The following CALN1 variants were observed in gnomAD, a reference collection of about 807,000 sequenced individuals.
CALN1 encodes the protein calneuron 1, also known as calcium-binding protein 8.
In CALN1, 17 loss-of-function variants were observed where a neutral mutation model predicts 30.6. That is an observed-to-expected ratio of 0.56 (90% CI 0.38 to 0.83). The LOEUF is 0.83. Ranked by LOEUF, CALN1 falls within the 40% of genes least tolerant of loss-of-function variation. The pLI, the probability that CALN1 is intolerant of heterozygous loss-of-function variation, is 0.00. For missense variants in CALN1, 291 were observed against 354.9 expected (o/e 0.82, Z 1.45); for synonymous variants, 156 against 131.4 (o/e 1.19, Z -1.28).
chr7:72,448,923 C>CA (rs1262208562), upstream of CALN1, among the ~76,000 whole-genome samples: 1 of 151,998 alleles, frequency 6.6e-6, no homozygotes, highest in Non-Finnish European at 1.5e-5. Context: ...TTTTTAATGC[C>CA]ATTTTCCCCT....
At chr7:72,094,538 G>A (rs1384822001) in intron 4 of CALN1, among the ~76,000 whole-genome samples, 1 of 152,174 alleles carries the variant, frequency 6.6e-6, no homozygotes. Flanking sequence ...ACAGGCGTGA[G>A]CCACCATGCC....
intron 2 of CALN1, among the ~76,000 whole-genome samples, chr7:72,281,728 T>G (rs1797743898): frequency 6.6e-6 from 1 of 152,202 alleles, no homozygotes. Context: ...TCTCAGCATT[T>G]TATAAATATC....
chr7:72,406,444 G>A (rs1480046850), intron 1 of CALN1, among the ~76,000 whole-genome samples: 3 of 152,076 alleles, frequency 2.0e-5, no homozygotes, highest in Non-Finnish European at 4.4e-5. Context: ...ATTTCCTGAT[G>A]CGATTCCTAA....
At chr7:72,495,289 A>G in the CALN1 span, among the ~76,000 whole-genome samples, 5 of 152,176 alleles carry the variant, frequency 3.3e-5, no homozygotes, top group South Asian at 6.2e-4. Context: ...CAGGAGTCCA[A>G]GGTCCTCCAG....
intron 5 of CALN1, among the ~76,000 whole-genome samples, chr7:71,994,529 A>C (rs887882352): frequency 6.6e-6 from 1 of 151,752 alleles, no homozygotes; most frequent in Admixed American, 6.6e-5. Flanking sequence ...AAAAAAAAAA[A>C]AAAACAGTGA....
At chr7:71,999,530 T>C (rs1204179137) in intron 5 of CALN1, among the ~76,000 whole-genome samples, 1 of 152,074 alleles carries the variant, frequency 6.6e-6, no homozygotes, top group Non-Finnish European at 1.5e-5. Context: ...TTTTTTTTTT[T>C]TGAGTTGGAA....
chr7:71,969,368 TTTC>T (rs1797683031), intron 5 of CALN1, among the ~76,000 whole-genome samples: 1 of 152,206 alleles, frequency 6.6e-6, no homozygotes, highest in African/African-American at 2.4e-5. Flanking sequence ...TTTGTCCTGA[TTTC>T]TTTCTAACAA....
At chr7:72,407,193 G>A (rs1026121453) in intron 1 of CALN1, among the ~76,000 whole-genome samples, 1 of 152,202 alleles carries the variant, frequency 6.6e-6, no homozygotes, top group Non-Finnish European at 1.5e-5. Context: ...GTGCCACTTA[G>A]GGGCTGTGTG....
intron 5 of CALN1, among the ~76,000 whole-genome samples, chr7:71,953,469 T>C (rs1470726346): frequency 1.3e-5 from 2 of 152,108 alleles, no homozygotes; most frequent in Non-Finnish European, 2.9e-5. Context: ...GAGAAAGATA[T>C]AGTCACCTCT....
intron 3 of CALN1, among the ~76,000 whole-genome samples, chr7:72,124,365 G>C (rs576508501): frequency 6.6e-6 from 1 of 152,242 alleles, no homozygotes; most frequent in Admixed American, 6.5e-5. Flanking sequence ...AAAGCAGAGG[G>C]AATTAAAACA....
chr7:72,317,332 A>T (rs768703548), intron 2 of CALN1, among the ~76,000 whole-genome samples: 9 of 152,196 alleles, frequency 5.9e-5, no homozygotes, highest in Non-Finnish European at 1.3e-4. Flanking sequence ...TGAGAAAGCA[A>T]AAATGAGACA....
intron 5 of CALN1, among the ~76,000 whole-genome samples, chr7:71,823,041 C>T (rs1584299632): frequency 6.6e-6 from 1 of 152,198 alleles, no homozygotes; most frequent in African/African-American, 2.4e-5. Context: ...ACATTTTCTG[C>T]ATTCTTAGAA....
rs1389897439 is a variant in CALN1, at chr7:71,784,912, A to G, written c.*2863T>C. Reference sequence around the variant, plus strand: ...GGGACACTGACTGGCATGGGGCCCTAGCATAAAATTTGTGTGAACAGGGCT... The same window carrying G: ...GGGACACTGACTGGCATGGGGCCCTGGCATAAAATTTGTGTGAACAGGGCT... On this transcript the variant is annotated 3_prime_UTR_variant, in exon 7 of 7. Transcript: ENST00000395275. 1.0e-5 allele frequency: 4 copies of G among 398,678 alleles called. No individual in the cohort carries two copies. The highest frequency in any genetic ancestry group is 1.8e-5 in the Non-Finnish European group (4 of 226,136). The allele number at this position is 398,678 out of a possible 1,614,324, so 24.7% of individuals were successfully genotyped here. A position where few individuals can be genotyped will look rare whatever the true frequency, so the allele number is the denominator to read the frequency against.
chr7:72,067,661 G>C (rs1804114427), intron 4 of CALN1, among the ~76,000 whole-genome samples: 1 of 152,142 alleles, frequency 6.6e-6, no homozygotes, highest in South Asian at 2.1e-4. Context: ...AGTTATAGGG[G>C]AATCTGTCAA....
chr7:72,403,365 C>T lies in CALN1; in HGVS notation c.5G>A (p.Arg2Gln), dbSNP rs748601544. M[R>Q]LPEQPGEGKP... ...CCCCTCTCCGGGTTGCTCTGGCAGC[C>T]GCATCGGGGGTCCAGGGCGATGTTC... The change falls in exon 2 of 7, where the codon CGG (arginine) becomes CAG (glutamine). Residue 2 changes from arginine to glutamine, a missense_variant. Physicochemically the swap from Arg to Gln is conservative, Grantham distance 43. Transcript: ENST00000395275. 4.0e-5 allele frequency: 62 copies of T among 1,546,254 alleles called. No individual in the cohort carries two copies. The African/African-American group carries it at 5.9e-4, about 15-fold the overall frequency.
intron 2 of CALN1, among the ~76,000 whole-genome samples, chr7:72,317,080 A>AGG: frequency 8.6e-6 from 1 of 115,910 alleles, no homozygotes; most frequent in South Asian, 3.2e-4. Context: ...GAGACACAGA[A>AGG]AGAGAGAGAG....
At chr7:72,133,458 G>C (rs148504925) in intron 3 of CALN1, among the ~76,000 whole-genome samples, 1 of 152,320 alleles carries the variant, frequency 6.6e-6, no homozygotes, top group African/African-American at 2.4e-5. Context: ...GCCAAAAAAT[G>C]TTGAAAAGAT....
intron 4 of CALN1, among the ~76,000 whole-genome samples, chr7:72,029,309 C>T (rs531670462): frequency 9.2e-5 from 14 of 152,120 alleles, no homozygotes; most frequent in Middle Eastern, 3.4e-3. Flanking sequence ...GATGGGGTTT[C>T]ACTGTATTAG....
chr7:72,063,078 T>TA (rs976561005), intron 4 of CALN1, among the ~76,000 whole-genome samples: 1 of 152,058 alleles, frequency 6.6e-6, no homozygotes, highest in African/African-American at 2.4e-5. Flanking sequence ...CTCATGAACT[T>TA]AGACACAAAG....
Sources: allele counts gnomAD v4.1 joint callset (sites outside exome capture counted in the v4.1 genomes callset), GRCh38; gene constraint gnomAD v4.1.1; transcripts MANE v1.5; gene names NCBI Gene and HGNC (gene_info 2026-07-23, HGNC 2026-07-21).